BRD4: variants seen among roughly 807,000 people sequenced by gnomAD.
BRD4 encodes bromodomain-containing protein 4.
In BRD4, 16 loss-of-function variants were observed where a neutral mutation model predicts 142.1. The observed-to-expected ratio is 0.11, with a 90% CI of 0.08 to 0.17. BRD4 has a LOEUF of 0.17. Among genes scored for constraint, BRD4 ranks in the 10% least tolerant of loss-of-function variants. BRD4 has a pLI of 1.00. For missense variants in BRD4, 1,424 were observed against 1,810.9 expected (o/e 0.79, Z 3.88); for synonymous variants, 833 against 707.5 (o/e 1.18, Z -2.82).
At chr19:15,275,485 G>C (rs1335127160) in intron 1 of BRD4, among the ~76,000 whole-genome samples, 1 of 152,136 alleles carries the variant, frequency 6.6e-6, no homozygotes, top group Non-Finnish European at 1.5e-5. Flanking sequence ...TTTGAATTAA[G>C]GAAGTCCTCA....
intron 1 of BRD4, among the ~76,000 whole-genome samples, chr19:15,303,836 A>C (rs900516286): frequency 1.3e-5 from 2 of 152,150 alleles, no homozygotes; most frequent in Non-Finnish European, 2.9e-5. Context: ...TTTAAGTATC[A>C]ACATTACAGG....
chr19:15,242,761 T>C, intron 14 of BRD4, 139 bp downstream of exon 14: 1 of 1,357,098 alleles, frequency 7.4e-7, no homozygotes. Flanking sequence ...CAATGACCCT[T>C]CCAGGTCCCC....
chr19:15,258,628 T>C (rs761415569), intron 7 of BRD4, among the ~76,000 whole-genome samples: 3 of 151,988 alleles, frequency 2.0e-5, no homozygotes, highest in Admixed American at 1.3e-4. Context: ...TTTTTGGAGA[T>C]AGGGCCTTGC....
Position 15,239,519 on chromosome 19 carries a change from G to A in BRD4, c.3449C>T (p.Pro1150Leu), listed in dbSNP as rs763347965. 46 of 1,611,486 alleles carry A rather than the reference G, an allele frequency of 2.9e-5. No homozygotes were observed. The highest frequency in any genetic ancestry group is 3.5e-5 in the Non-Finnish European group (41 of 1,179,130). ...IKAPVHLPQR[P>L]EMKPVDVGRP... is the part of the protein sequence containing the mutation. ...CCCGACATCCACAGGCTTCATTTCC[G>A]GCCCTGGAACATAAACAGCCGGTGG... Residue 1150 changes from proline to leucine, a missense_variant, in exon 17 of 20, where the codon CCG (proline) becomes CTG (leucine). By Grantham distance (98) the Pro-to-Leu change is moderately conservative (BLOSUM62 -3). This residue lies in a region of BRD4 where 598 missense variants were observed against 647.8 expected (regional missense o/e 0.92). Coordinates refer to ENST00000679869, the MANE Select transcript of BRD4 (RefSeq NM_001379291.1). The surrounding 1 kb of genome is among the most constrained non-coding windows in gnomAD (Gnocchi z 7.4).
rs1314953786 is a variant in BRD4 at position 15,295,260 on chromosome 19, C to T, written c.-34-22127G>A. ...CTAACAAGAGCCCAGGGACTAGAGA[C>T]AGGTTCCCGCATCTCTCTCACGGAT... On this transcript the variant is annotated intron_variant, in intron 1 of 19. Coordinates refer to ENST00000679869, the MANE Select transcript of BRD4 (RefSeq NM_001379291.1). Among the ~76,000 whole-genome samples the T allele has an allele frequency of 2.6e-5, 4 of 152,214 alleles. 1 individual carries two copies. Among genetic ancestry groups the T allele is most frequent in the African/African-American group, 4.8e-5 (2 of 41,450 alleles).
At chr19:15,275,090 C>A (rs1400067044) in intron 1 of BRD4, among the ~76,000 whole-genome samples, 2 of 152,120 alleles carry the variant, frequency 1.3e-5, no homozygotes, top group Admixed American at 1.3e-4. Flanking sequence ...AACTCCTGAC[C>A]TCAGGTGATC....
At chr19:15,259,269 A>G (rs2047444253) in intron 7 of BRD4, among the ~76,000 whole-genome samples, 1 of 152,176 alleles carries the variant, frequency 6.6e-6, no homozygotes, top group African/African-American at 2.4e-5. Context: ...ATAATCAGCT[A>G]TGCCTCCCAG....
intron 1 of BRD4, among the ~76,000 whole-genome samples, chr19:15,286,465 C>T (rs971145603): frequency 1.3e-5 from 2 of 152,190 alleles, no homozygotes; most frequent in Non-Finnish European, 2.9e-5. Flanking sequence ...TGCACATCTG[C>T]GCATGTCCAA....
intron 1 of BRD4, among the ~76,000 whole-genome samples, chr19:15,321,653 C>T (rs936330511): frequency 2.6e-5 from 4 of 152,122 alleles, no homozygotes; most frequent in Admixed American, 2.0e-4. Context: ...AACAAACTCC[C>T]TTCTGTTTCA....
In BRD4 at chr19:15,243,254, G is replaced by A. The variant is rs2145511507; in HGVS notation, c.2815C>T (p.Gln939Ter). ...GAAGGGAGTAGCGGCGTAGGGGGCT[G>A]CACCTTCTGCAGCTGCTGCAGGTAC... ...QLYLQQLQKV[Q>*]PPTPLLPSVK... Residue 939 changes from glutamine (Q) to a stop codon, truncating the protein, a stop_gained, in exon 14 of 20, where the codon CAG becomes TAG. Transcript: ENST00000679869. LOFTEE classifies it high-confidence loss of function. The A allele has an allele frequency of 1.4e-6, 2 of 1,457,504 alleles. No homozygotes were observed. The highest frequency in any genetic ancestry group is 2.3e-5 in the East Asian group (1 of 42,592). 90.3% of individuals were successfully genotyped at this position (1,457,504 alleles called of 1,614,324 possible).
intron 1 of BRD4, among the ~76,000 whole-genome samples, chr19:15,299,909 C>A (rs991794718): frequency 6.6e-6 from 1 of 152,182 alleles, no homozygotes; most frequent in South Asian, 2.1e-4. Flanking sequence ...CTACAGAGAG[C>A]GTATGAAGAG....
At chr19:15,297,443 G>T (rs934695302) in intron 1 of BRD4, among the ~76,000 whole-genome samples, 2 of 152,138 alleles carry the variant, frequency 1.3e-5, no homozygotes, top group Non-Finnish European at 1.5e-5. Context: ...CACTGCCACC[G>T]AACCCCCCCA....
intron 1 of BRD4, among the ~76,000 whole-genome samples, chr19:15,306,976 T>C (rs1359163735): frequency 6.6e-6 from 1 of 152,008 alleles, no homozygotes; most frequent in Non-Finnish European, 1.5e-5. Flanking sequence ...CCACAAATTC[T>C]CAATTTGTAA....
In BRD4 at chr19:15,239,779, C is replaced by T; in HGVS notation, c.3325G>A (p.Val1109Met). 1 of 1,612,664 alleles carries T rather than the reference C, an allele frequency of 6.2e-7. No individual in the cohort carries two copies. Among genetic ancestry groups the T allele is most frequent in the African/African-American group, 1.3e-5 (1 of 75,030 alleles). ...ASVVQPQPLVVVKEEKIHSPI... is the reference protein window; with the variant it reads ...ASVVQPQPLVMVKEEKIHSPI... The stretch of plus-strand genomic sequence containing the variant: ...GAGTGGATCTTCTCCTCCTTCACCA[C>T]CACGAGGGGCTGGGGCTGGACCACG... The change falls in exon 16 of 20, where the codon GTG (valine) becomes ATG (methionine). Residue 1109 changes from valine to methionine, a missense_variant. Physicochemically the swap from Val to Met is conservative, Grantham distance 21. Transcript: ENST00000679869. This position sits in a 1 kb window ranked among gnomAD's most constrained non-coding sequence, Gnocchi z 7.4.
Position 15,239,434 on chromosome 19 carries a change from G to C in BRD4, c.3534C>G (p.Asp1178Glu). 6.2e-7 allele frequency: 1 copy of C among 1,614,166 alleles called. No individual in the cohort carries two copies. The highest frequency in any genetic ancestry group is 1.1e-5 in the South Asian group (1 of 91,082). ...NAPPPGAPDK[D>E]KQKQEPKTPV... ...GAGTCTTCGGCTCCTGTTTCTGTTT[G>C]TCCTTGTCAGGGGCCCCTGGTGGCG... The change falls in exon 17 of 20, where the codon GAC (aspartate) becomes GAG (glutamate). Residue 1178 changes from aspartate to glutamate, a missense_variant. Asp to Glu is a conservative substitution (Grantham distance 45). This residue lies in a region of BRD4 where 49 missense variants were observed against 97.3 expected (regional missense o/e 0.50). Transcript: ENST00000679869. This position sits in a 1 kb window ranked among gnomAD's most constrained non-coding sequence, Gnocchi z 7.4.
At chr19:15,329,108 A>G (rs1023782876) in intron 1 of BRD4, among the ~76,000 whole-genome samples, 2 of 151,462 alleles carry the variant, frequency 1.3e-5, no homozygotes, top group African/African-American at 4.9e-5. Context: ...TAACAAGGAA[A>G]TTTTATCTTT....
In BRD4 at chr19:15,239,605, C is replaced by T. The variant is rs1482374884; in HGVS notation, c.3445+54G>A. 1.3e-6 allele frequency: 2 copies of T among 1,559,490 alleles called. No individual in the cohort carries two copies. Among genetic ancestry groups the T allele is most frequent in the Non-Finnish European group, 8.6e-7 (1 of 1,160,518 alleles). ...ACCAGCCCCACAGCAAGCTTATGTC[C>T]AACACGGGCCTCGGGGGGCCTGAGC... On this transcript the variant is annotated intron_variant, in intron 16 of 19. Coordinates refer to ENST00000679869, the MANE Select transcript of BRD4 (RefSeq NM_001379291.1). The surrounding 1 kb of genome is among the most constrained non-coding windows in gnomAD (Gnocchi z 7.4).
In BRD4 at chr19:15,239,253, G is replaced by A; in HGVS notation, c.3588C>T (p.Ile1196=). The change falls in exon 18 of 20, where the codon ATC becomes ATT. Residue 1196 remains isoleucine, a synonymous_variant. Transcript: ENST00000679869. This position sits in a 1 kb window ranked among gnomAD's most constrained non-coding sequence, Gnocchi z 7.4. The stretch of plus-strand genomic sequence containing the variant: ...GGCTGGCCCAGGAGCCCATGTTCTT[G>A]ATTTTCAGGTCCTGCAGAACAGAGA... ...TPVAPKKDLK[I]KNMGSWASLV... is the part of the protein sequence containing the mutation. 1 of 1,613,220 alleles carries A rather than the reference G, an allele frequency of 6.2e-7. No homozygotes were observed. Among genetic ancestry groups the A allele is most frequent in the Non-Finnish European group, 8.5e-7 (1 of 1,179,752 alleles).
rs934344575 is a variant in BRD4 at position 15,249,053 on chromosome 19, G to A, written c.2159-4291C>T. On this transcript the variant is annotated intron_variant, in intron 11 of 19. Transcript: ENST00000679869. ...AGGACAGCCAGGCAGTCTTTACACA[G>A]AGAGGCCTGGGCGGCTGGCCAGGCA... The A allele has an allele frequency of 4.8e-6, 3 of 629,238 alleles. No individual in the cohort carries two copies. In the African/African-American group the frequency reaches 5.5e-5, roughly 12 times the overall value. 39.0% of individuals were successfully genotyped at this position (629,238 alleles called of 1,614,324 possible). A position where few individuals can be genotyped will look rare whatever the true frequency, so the allele number is the denominator to read the frequency against.
Sources: allele counts gnomAD v4.1 joint callset (sites outside exome capture counted in the v4.1 genomes callset), GRCh38; gene constraint gnomAD v4.1.1; regional missense constraint gnomAD v4.1.1; non-coding constraint Gnocchi (gnomAD v3.1); transcripts MANE v1.5; gene names NCBI Gene and HGNC (gene_info 2026-07-23, HGNC 2026-07-21).